RC3H2: variants seen among roughly 807,000 people sequenced by gnomAD.
The protein encoded by RC3H2 is roquin-2.
RC3H2 carries 31 observed loss-of-function variants against 133.3 expected under a neutral mutation model. The ratio of observed to expected loss-of-function variants is 0.23; its 90% CI spans 0.17 to 0.31. RC3H2 has a LOEUF of 0.31. Among genes scored for constraint, RC3H2 ranks in the 10% least tolerant of loss-of-function variants. RC3H2 has a pLI of 1.00. For missense variants in RC3H2, 1,175 were observed against 1,437.2 expected (o/e 0.82, Z 2.95); for synonymous variants, 517 against 502.2 (o/e 1.03, Z -0.40).
chr9:122,899,780 T>C (rs928747839), intron 1 of RC3H2, among the ~76,000 whole-genome samples: 13 of 152,226 alleles, frequency 8.5e-5, no homozygotes, highest in Non-Finnish European at 8.8e-5. Context: ...AGCCCTAATA[T>C]AGTTAATAAC....
chr9:122,866,258 C>G (rs1341477615), intron 9 of RC3H2, among the ~76,000 whole-genome samples: 3 of 152,128 alleles, frequency 2.0e-5, no homozygotes, highest in African/African-American at 2.4e-5. Flanking sequence ...TTTTCTGATA[C>G]TAAGTTTTGA....
intron 1 of RC3H2, among the ~76,000 whole-genome samples, chr9:122,898,666 T>C (rs1340244526): frequency 6.6e-6 from 1 of 151,612 alleles, no homozygotes; most frequent in African/African-American, 2.4e-5. Flanking sequence ...GGAGAATCAC[T>C]TGAATGTGGA....
chr9:122,893,070 C>T (rs767825201), intron 2 of RC3H2, 44 bp from the exon 3 acceptor site: 1 of 1,578,916 alleles, frequency 6.3e-7, no homozygotes, highest in South Asian at 1.1e-5. Flanking sequence ...TACATTCATC[C>T]AGCTCATGCA....
intron 3 of RC3H2, 118 bp from the exon 4 acceptor site, chr9:122,890,663 C>T: frequency 1.4e-6 from 1 of 706,934 alleles, no homozygotes; most frequent in South Asian, 2.1e-5. Context: ...TTGTAATGTG[C>T]TTTCATTTTT....
rs772733364 is a variant in RC3H2 at position 122,877,464 on chromosome 9, C to A, written c.1325+7G>T. On this transcript the variant is annotated splice_region_variant and intron_variant, in intron 9 of 20. Coordinates refer to ENST00000357244, the MANE Select transcript of RC3H2 (RefSeq NM_001100588.3). ...AACCCATATGAAACAGAATTCTCAA[C>A]ACTTACTTTTCAAGCTCTTCCTGAG... 6.2e-7 allele frequency: 1 copy of A among 1,605,522 alleles called. No individual in the cohort carries two copies.
intron 9 of RC3H2, among the ~76,000 whole-genome samples, chr9:122,876,390 G>A (rs557500294): frequency 6.6e-6 from 1 of 152,258 alleles, no homozygotes; most frequent in Admixed American, 6.5e-5. Context: ...TACTTTGGGA[G>A]GCCAAGGCAG....
At chr9:122,851,040 T>C (rs147423140) in intron 20 of RC3H2, 41 bp downstream of exon 20, 2 of 1,609,078 alleles carry the variant, frequency 1.2e-6, no homozygotes, top group East Asian at 4.5e-5. Context: ...CTTTATTATG[T>C]CCTATGCCCA....
At chr9:122,883,168 A>C in intron 5 of RC3H2, 36 bp downstream of exon 5, 1 of 1,580,010 alleles carries the variant, frequency 6.3e-7, no homozygotes, top group Non-Finnish European at 8.6e-7. Flanking sequence ...CTGTCTCACA[A>C]ACAGGCATGT....
At chr9:122,896,372 C>T (rs930322410) in intron 2 of RC3H2, among the ~76,000 whole-genome samples, 9 of 152,040 alleles carry the variant, frequency 5.9e-5, no homozygotes, top group African/African-American at 2.2e-4. Flanking sequence ...AACAAAAAAA[C>T]CTGTTTCTGG....
Position 122,880,579 on chromosome 9 carries a change from T to A in RC3H2, c.960+15A>T. 6.3e-7 allele frequency: 1 copy of A among 1,596,722 alleles called. No homozygotes were observed. The highest frequency in any genetic ancestry group is 1.1e-5 in the South Asian group (1 of 90,678). Reference sequence around the variant, plus strand: ...ACAGCAATGATAGAACATCAGCATCTCTAATTTCACAAACCTTATCAATGA... The same window carrying A: ...ACAGCAATGATAGAACATCAGCATCACTAATTTCACAAACCTTATCAATGA... On this transcript the variant is annotated intron_variant, in intron 6 of 20. Transcript: ENST00000357244.
chr9:122,895,995 C>T (rs2539928), intron 2 of RC3H2, among the ~76,000 whole-genome samples: 148,690 of 150,674 alleles, frequency 0.99, 73,353 homozygotes, highest in Non-Finnish European at 1. Context: ...TTTTTTTTTT[C>T]CCCCCTAATG....
intron 1 of RC3H2, among the ~76,000 whole-genome samples, chr9:122,899,605 TA>T (rs1246842330): frequency 6.6e-6 from 1 of 152,216 alleles, no homozygotes; most frequent in Non-Finnish European, 1.5e-5. Flanking sequence ...GCCATCAATC[TA>T]AAAACCAATT....
intron 1 of RC3H2, among the ~76,000 whole-genome samples, chr9:122,900,489 T>A (rs1832613621): frequency 6.6e-6 from 1 of 152,148 alleles, no homozygotes. Flanking sequence ...AACAGGCACT[T>A]TGTAAACATT....
chr9:122,905,087 C>T, intron 1 of RC3H2, 23 bp downstream of exon 1: 4 of 985,320 alleles, frequency 4.1e-6, no homozygotes, highest in Non-Finnish European at 4.8e-6. Context: ...GCCCGAGCCG[C>T]ATCGTGCCCG....
At chr9:122,856,535 A>C (rs1830254829) in intron 13 of RC3H2, among the ~76,000 whole-genome samples, 1 of 152,248 alleles carries the variant, frequency 6.6e-6, no homozygotes, top group Non-Finnish European at 1.5e-5. Flanking sequence ...GATTATAGGC[A>C]TGAGCCACTA....
At chr9:122,870,481 T>C (rs181284586) in intron 9 of RC3H2, among the ~76,000 whole-genome samples, 188 of 151,720 alleles carry the variant, frequency 1.2e-3, no homozygotes, top group African/African-American at 4.3e-3. Context: ...AAGTTTTAAC[T>C]ATGAACCTCT....
intron 1 of RC3H2, among the ~76,000 whole-genome samples, chr9:122,899,633 T>G (rs572307084): frequency 1.3e-5 from 2 of 152,348 alleles, no homozygotes; most frequent in Admixed American, 6.5e-5. Flanking sequence ...CTTCCAACTT[T>G]AGAGATAAGC....
At chr9:122,852,059 T>C (rs530455719) in intron 18 of RC3H2, among the ~76,000 whole-genome samples, 1 of 150,946 alleles carries the variant, frequency 6.6e-6, no homozygotes, top group Non-Finnish European at 1.5e-5. Flanking sequence ...GAGGAGCGCC[T>C]CTTCCCGGCC....
chr9:122,870,097 G>A (rs930098184), intron 9 of RC3H2, among the ~76,000 whole-genome samples: 2 of 151,922 alleles, frequency 1.3e-5, no homozygotes, highest in African/African-American at 2.4e-5. Context: ...AAACTTGGCC[G>A]GGCATGGTGG....
Sources: allele counts gnomAD v4.1 joint callset (sites outside exome capture counted in the v4.1 genomes callset), GRCh38; gene constraint gnomAD v4.1.1; transcripts MANE v1.5; gene names NCBI Gene and HGNC (gene_info 2026-07-23, HGNC 2026-07-21).